NKAIN2: variants seen among roughly 807,000 people sequenced by gnomAD.
The protein encoded by NKAIN2 is sodium/potassium transporting ATPase interacting 2.
NKAIN2 carries 14 observed loss-of-function variants against 32.6 expected under a neutral mutation model. The ratio of observed to expected loss-of-function variants is 0.43; its 90% CI spans 0.28 to 0.67. NKAIN2 has a LOEUF of 0.67. Among genes scored for constraint, NKAIN2 ranks in the 30% least tolerant of loss-of-function variants. NKAIN2 has a pLI of 0.17. For synonymous variants in NKAIN2, 80 were observed against 87.2 expected (o/e 0.92, Z 0.46); for missense variants, 198 against 258.3 (o/e 0.77, Z 1.60).
chr6:123,908,857 G>A (rs114545455), intron 1 of NKAIN2, among the ~76,000 whole-genome samples: 1 of 152,126 alleles, frequency 6.6e-6, no homozygotes, highest in Non-Finnish European at 1.5e-5. Context: ...ATTGCTTCTA[G>A]CTCCCCATGT....
chr6:124,147,512 T>A (rs915823955), intron 1 of NKAIN2, among the ~76,000 whole-genome samples: 4 of 152,104 alleles, frequency 2.6e-5, no homozygotes, highest in Non-Finnish European at 5.9e-5. Context: ...AATGCTCAGA[T>A]GAAAGGTTCA....
intron 3 of NKAIN2, among the ~76,000 whole-genome samples, chr6:124,541,191 C>A (rs75225484): frequency 0.015 from 2,280 of 152,186 alleles, 55 homozygotes; most frequent in African/African-American, 0.052. Context: ...TATTATTGAT[C>A]ATTTAAAGTA....
chr6:123,986,928 A>G (rs1779162621), intron 1 of NKAIN2, among the ~76,000 whole-genome samples: 1 of 152,134 alleles, frequency 6.6e-6, no homozygotes, highest in African/African-American at 2.4e-5. Flanking sequence ...CTGAATGAAG[A>G]TGGAATCCTT....
At chr6:124,619,303 A>C (rs917579394) in intron 3 of NKAIN2, among the ~76,000 whole-genome samples, 1 of 152,158 alleles carries the variant, frequency 6.6e-6, no homozygotes, top group Non-Finnish European at 1.5e-5. Context: ...ATATTTTTCT[A>C]TGATCCTTGG....
chr6:124,549,071 A>G (rs554156485), intron 3 of NKAIN2, among the ~76,000 whole-genome samples: 3 of 152,274 alleles, frequency 2.0e-5, no homozygotes, highest in African/African-American at 7.2e-5. Context: ...AATGAGGTCA[A>G]AGGTGGCTTT....
At chr6:124,469,771 T>C (rs1053033229) in intron 3 of NKAIN2, among the ~76,000 whole-genome samples, 2 of 152,162 alleles carry the variant, frequency 1.3e-5, no homozygotes, top group Admixed American at 1.3e-4. Flanking sequence ...CACAATAAAG[T>C]GTAGGCTTCA....
At chr6:124,577,787 C>A (rs1016274811) in intron 3 of NKAIN2, among the ~76,000 whole-genome samples, 4 of 151,942 alleles carry the variant, frequency 2.6e-5, no homozygotes, top group Admixed American at 2.6e-4. Context: ...GCTCACAGCT[C>A]TAGGAGAGAC....
chr6:124,201,083 TA>T (rs1562418981), intron 1 of NKAIN2, among the ~76,000 whole-genome samples: 1 of 152,070 alleles, frequency 6.6e-6, no homozygotes, highest in East Asian at 1.9e-4. Flanking sequence ...CTTCCATATC[TA>T]ATGTATACAT....
At chr6:124,024,203 A>T (rs954997860) in intron 1 of NKAIN2, among the ~76,000 whole-genome samples, 1 of 152,158 alleles carries the variant, frequency 6.6e-6, no homozygotes, top group African/African-American at 2.4e-5. Context: ...CATTTGTTTC[A>T]GACAGATTAT....
At chr6:124,095,668 A>G (rs1272807735) in intron 1 of NKAIN2, among the ~76,000 whole-genome samples, 2 of 152,194 alleles carry the variant, frequency 1.3e-5, no homozygotes, top group Non-Finnish European at 2.9e-5. Context: ...CACTTACCTT[A>G]GTAAGTATAC....
chr6:124,609,002 G>T (rs988525090), intron 3 of NKAIN2, among the ~76,000 whole-genome samples: 1 of 152,124 alleles, frequency 6.6e-6, no homozygotes, highest in Admixed American at 6.6e-5. Context: ...TATTTGTTGC[G>T]GTTTGTTTGG....
intron 3 of NKAIN2, among the ~76,000 whole-genome samples, chr6:124,584,963 C>G (rs1781659947): frequency 6.6e-6 from 1 of 152,140 alleles, no homozygotes; most frequent in Non-Finnish European, 1.5e-5. Flanking sequence ...TGTATATACC[C>G]CCTCCCCTAA....
chr6:124,446,606 G>C (rs1256248024), intron 3 of NKAIN2, among the ~76,000 whole-genome samples: 1 of 152,066 alleles, frequency 6.6e-6, no homozygotes, highest in East Asian at 1.9e-4. Flanking sequence ...TCCTCCCAAA[G>C]TGCTGGAATT....
chr6:124,188,186 G>T (rs911514244), intron 1 of NKAIN2, among the ~76,000 whole-genome samples: 17 of 152,260 alleles, frequency 1.1e-4, no homozygotes, highest in Middle Eastern at 3.4e-3. Context: ...TGGTCCAATA[G>T]CATCATATCA....
At chr6:124,525,904 G>T (rs1779293745) in intron 3 of NKAIN2, among the ~76,000 whole-genome samples, 3 of 152,066 alleles carry the variant, frequency 2.0e-5, no homozygotes, top group Admixed American at 1.3e-4. Flanking sequence ...ATGGCCTTAA[G>T]AAAACTTACC....
rs1042864763 is a variant in NKAIN2 at position 124,824,320 on chromosome 6, C to A, written c.*1091C>A. 1.3e-5 allele frequency: 2 copies of A among 151,408 alleles called. No individual in the cohort carries two copies. The highest frequency in any genetic ancestry group is 2.0e-4 in the East Asian group (1 of 5,098). 9.4% of individuals were successfully genotyped at this position (151,408 alleles called of 1,614,324 possible). On this transcript the variant is annotated 3_prime_UTR_variant, in exon 7 of 7. Coordinates refer to ENST00000368417, the MANE Select transcript of NKAIN2 (RefSeq NM_001040214.3). The stretch of plus-strand genomic sequence containing the variant: ...AAATTGAAGACTCTACGTAGGTGAA[C>A]TTTTTTTTCTAACTTCAGTGTACAA...
At chr6:124,412,717 T>G (rs1250291548) in intron 3 of NKAIN2, among the ~76,000 whole-genome samples, 1 of 152,180 alleles carries the variant, frequency 6.6e-6, no homozygotes, top group Admixed American at 6.5e-5. Flanking sequence ...ACAGGGACAT[T>G]TAAGTCTGCA....
intron 2 of NKAIN2, among the ~76,000 whole-genome samples, chr6:124,353,664 A>C (rs1478572378): frequency 6.6e-6 from 1 of 152,078 alleles, no homozygotes; most frequent in Non-Finnish European, 1.5e-5. Context: ...CTGAGGCAGG[A>C]GAATGGCTTG....
At chr6:123,974,571 T>C (rs1176170519) in intron 1 of NKAIN2, among the ~76,000 whole-genome samples, 1 of 152,146 alleles carries the variant, frequency 6.6e-6, no homozygotes, top group Non-Finnish European at 1.5e-5. Context: ...AATGTCAAAA[T>C]GTGAGCCTGC....
Sources: gnomAD v4.1 joint callset for allele counts (sites outside exome capture counted in the v4.1 genomes callset) on GRCh38, gnomAD v4.1.1 for gene constraint, MANE v1.5 for transcripts, NCBI Gene and HGNC (gene_info 2026-07-23, HGNC 2026-07-21) for gene names.